Variants in AGL observed in about 807,000 individuals in gnomAD.
The protein encoded by AGL is amylo-alpha-1,6-glucosidase and 4-alpha-glucanotransferase.
In AGL, 128 loss-of-function variants were observed where a neutral mutation model predicts 199.3. The observed-to-expected ratio is 0.64, with a 90% confidence interval of 0.56 to 0.74. AGL has a LOEUF of 0.74. Ranked by LOEUF, AGL falls within the 30% of genes least tolerant of loss-of-function variation. AGL has a pLI of 0.00. For missense variants in AGL, 1,809 were observed against 1,820.8 expected, an observed-to-expected ratio of 0.99 and a Z score of 0.12; for synonymous variants, 584 against 594.7, an observed-to-expected ratio of 0.98 and a Z score of 0.26.
intron 33 of AGL, among the ~76,000 whole-genome samples, chr1:99,918,541 C>T (rs1655295497): frequency 6.6e-6 from 1 of 151,996 alleles, no homozygotes; most frequent in Non-Finnish European, 1.5e-5. Context: ...CCAGGCTGGT[C>T]TCGAACTCCT....
intron 22 of AGL, 76 bp from the exon 23 acceptor site, chr1:99,891,530 C>A (rs184552072): frequency 6.4e-7 from 1 of 1,556,690 alleles, no homozygotes; most frequent in Non-Finnish European, 8.9e-7. Context: ...TAAAGTTGCA[C>A]ATTTAGATTT....
Position 99,892,291 on chromosome 1 carries a change from C to T in AGL, c.3084-141C>T, listed in dbSNP as rs1652954662. The T allele has an allele frequency of 5.0e-6, 4 of 802,164 alleles. No individual in the cohort carries two copies. In the East Asian group the frequency reaches 8.1e-5, roughly 16 times the overall value. 49.7% of individuals were successfully genotyped at this position (802,164 alleles called of 1,614,324 possible). A position where few individuals can be genotyped will look rare whatever the true frequency, so the allele number is the denominator to read the frequency against. On this transcript the variant is annotated intron_variant, in intron 23 of 33. Transcript: ENST00000361915. ...AATGAAAGCAGTTTTGAAATCTAACCAAAGTTTTAAAAATGTTAAGTAATA... is the reference window on the plus strand; with the variant it reads ...AATGAAAGCAGTTTTGAAATCTAACTAAAGTTTTAAAAATGTTAAGTAATA...
intron 27 of AGL, among the ~76,000 whole-genome samples, chr1:99,908,719 G>A (rs1401899177): frequency 1.3e-5 from 2 of 152,012 alleles, no homozygotes; most frequent in African/African-American, 4.8e-5. Flanking sequence ...CTAGACCTTT[G>A]GATGTTATAG....
At chr1:99,859,429 GGTGTATGTACTCTACCTCCCT>G (rs1167280658) in intron 2 of AGL, among the ~76,000 whole-genome samples, 1 of 150,474 alleles carries the variant, frequency 6.6e-6, no homozygotes, top group Non-Finnish European at 1.5e-5. Context: ...GTAGTATTAT[GGTGTATGTACTCTACCTCCCT>G]GCCTACTGCC....
At chr1:99,911,615 G>T (rs1477845336) in intron 28 of AGL, among the ~76,000 whole-genome samples, 1 of 152,028 alleles carries the variant, frequency 6.6e-6, no homozygotes, top group Non-Finnish European at 1.5e-5. Flanking sequence ...GCTAATTTTT[G>T]TATTTTTAGT....
chr1:99,883,142 T>G (rs1260367099), intron 17 of AGL, among the ~76,000 whole-genome samples: 3 of 152,154 alleles, frequency 2.0e-5, no homozygotes, highest in South Asian at 2.1e-4. Context: ...TGTTTAGTAG[T>G]GTTACTAAGT....
intron 2 of AGL, among the ~76,000 whole-genome samples, chr1:99,857,779 C>G (rs962865167): frequency 9.6e-5 from 1 of 10,438 alleles, no homozygotes; most frequent in Non-Finnish European, 2.0e-4. Context: ...CCAGCCTTGG[C>G]TCGGCATCAG....
chr1:99,886,525 A>G (rs1319102791), intron 20 of AGL, among the ~76,000 whole-genome samples: 1 of 152,146 alleles, frequency 6.6e-6, no homozygotes, highest in Non-Finnish European at 1.5e-5. Context: ...TATAATAGAC[A>G]TAATTATAGC....
intron 27 of AGL, among the ~76,000 whole-genome samples, chr1:99,909,512 G>T (rs1481467836): frequency 6.6e-6 from 1 of 152,156 alleles, no homozygotes; most frequent in African/African-American, 2.4e-5. Context: ...AAAAGTTTCT[G>T]TCTGGGTAGG....
At chr1:99,867,771 G>A (rs1049514559) in intron 5 of AGL, among the ~76,000 whole-genome samples, 11 of 151,994 alleles carry the variant, frequency 7.2e-5, no homozygotes, top group South Asian at 2.1e-4. Flanking sequence ...GGCCAGGTTC[G>A]TCTCAATCCA....
Position 99,862,310 on chromosome 1 carries a change from G to C in AGL, c.347G>C (p.Gly116Ala). ...YIVVDPILRVGADNHVLPLDC... is the reference protein window; with the variant it reads ...YIVVDPILRVAADNHVLPLDC... ...GTTGTGGACCCCATTTTACGTGTTGGTGCTGATAATCATGTGCTACCCTTG... is the reference window on the plus strand; with the variant it reads ...GTTGTGGACCCCATTTTACGTGTTGCTGCTGATAATCATGTGCTACCCTTG... The change falls in exon 4 of 34, where the codon GGT becomes GCT. Residue 116 changes from glycine (G) to alanine (A), a missense_variant. By Grantham distance (60) the Gly-to-Ala change is moderately conservative (BLOSUM62 0). Transcript: ENST00000361915. 1 of 1,614,062 alleles carries C rather than the reference G, an allele frequency of 6.2e-7. No individual in the cohort carries two copies.
Position 99,891,599 on chromosome 1 carries a change from A to G in AGL, c.2950-7A>G. On this transcript the variant is annotated splice_region_variant and splice_polypyrimidine_tract_variant and intron_variant, in intron 22 of 33. Transcript: ENST00000361915. ...CAAATTAACTTTCAAATTTATTTTA[A>G]TTACAGGTTGGTAAATGGTTGCAGG... 2 of 1,613,486 alleles carry G rather than the reference A, an allele frequency of 1.2e-6. No individual in the cohort carries two copies. The highest frequency in any genetic ancestry group is 1.7e-6 in the Non-Finnish European group (2 of 1,179,586).
chr1:99,870,181 G>A (rs1175193710), intron 5 of AGL, among the ~76,000 whole-genome samples: 3 of 150,580 alleles, frequency 2.0e-5, no homozygotes, highest in Non-Finnish European at 4.4e-5. Context: ...TTTCTAAGCA[G>A]AATTAAAGTT....
chr1:99,895,633 A>G (rs1434657280), intron 24 of AGL, among the ~76,000 whole-genome samples: 1 of 152,116 alleles, frequency 6.6e-6, no homozygotes, highest in East Asian at 1.9e-4. Flanking sequence ...TTTAGTGTTT[A>G]TGTGTTAAAT....
At chr1:99,885,220 G>C (rs906543675) in intron 20 of AGL, among the ~76,000 whole-genome samples, 1 of 152,112 alleles carries the variant, frequency 6.6e-6, no homozygotes, top group Non-Finnish European at 1.5e-5. Context: ...GAAGAATATA[G>C]GTTTTGAGGT....
At chr1:99,900,246 T>C (rs1262741656) in intron 25 of AGL, among the ~76,000 whole-genome samples, 2 of 152,188 alleles carry the variant, frequency 1.3e-5, no homozygotes, top group Non-Finnish European at 2.9e-5. Flanking sequence ...TTTTCCTATA[T>C]GTTTGTTTTA....
chr1:99,908,911 C>G (rs1024854376), intron 27 of AGL, among the ~76,000 whole-genome samples: 2 of 152,088 alleles, frequency 1.3e-5, no homozygotes, highest in Admixed American at 6.5e-5. Context: ...GAGTGGAGTT[C>G]CACACTGTGT....
At chr1:99,878,094 G>A (rs946397754) in intron 12 of AGL, among the ~76,000 whole-genome samples, 5 of 152,138 alleles carry the variant, frequency 3.3e-5, no homozygotes, top group East Asian at 1.9e-4. Flanking sequence ...ATAATATGGA[G>A]TGCAATCATA....
At chr1:99,918,925 G>A (rs933185066) in intron 33 of AGL, among the ~76,000 whole-genome samples, 1 of 151,726 alleles carries the variant, frequency 6.6e-6, no homozygotes, top group Non-Finnish European at 1.5e-5. Context: ...TGTTCCTGAC[G>A]CTGTATGAGT....
Sources: allele counts gnomAD v4.1 joint callset (sites outside exome capture counted in the v4.1 genomes callset), GRCh38; gene constraint gnomAD v4.1.1; transcripts MANE v1.5; gene names NCBI Gene and HGNC (gene_info 2026-07-23, HGNC 2026-07-21).